Variants in LYPLAL1 observed in about 807,000 individuals in gnomAD.
LYPLAL1 encodes the protein lysophospholipase like 1.
In LYPLAL1, 23 loss-of-function variants were observed where a neutral mutation model predicts 19.7. That is an observed-to-expected ratio of 1.17 (90% CI 0.84 to 1.65). The LOEUF is 1.65. Ranked by LOEUF, LYPLAL1 falls within the 40% of genes most tolerant of loss-of-function variation. The pLI is 0.00. For synonymous variants in LYPLAL1, 119 were observed against 96.3 expected, an observed-to-expected ratio of 1.24 and a Z score of -1.38; for missense variants, 355 against 279.4, an observed-to-expected ratio of 1.27 and a Z score of -1.93.
chr1:219,193,414 A>G (rs1226703922), intron 3 of LYPLAL1, 163 bp downstream of exon 3: 1 of 428,946 alleles, frequency 2.3e-6, no homozygotes, highest in Non-Finnish European at 4.0e-6. Flanking sequence ...TATTAGAATT[A>G]TAAACAGCAG....
At chr1:219,247,457 T>G in the LYPLAL1 span, among the ~76,000 whole-genome samples, 6 of 152,218 alleles carry the variant, frequency 3.9e-5, no homozygotes, top group African/African-American at 1.4e-4. Flanking sequence ...CTGTTTCTCC[T>G]GTTCATTAGG....
At chr1:219,245,023 CCT>C in the LYPLAL1 span, among the ~76,000 whole-genome samples, 3 of 150,184 alleles carry the variant, frequency 2.0e-5, no homozygotes, top group African/African-American at 4.9e-5. Flanking sequence ...TTCCTCCCTC[CCT>C]CTTTTTCTTT....
the LYPLAL1 span, among the ~76,000 whole-genome samples, chr1:219,373,882 C>CA: frequency 0.14 from 16,712 of 119,166 alleles, 1,123 homozygotes; most frequent in Non-Finnish European, 0.17. Context: ...AAAAAAAAAA[C>CA]AAAAAAAAAA....
the LYPLAL1 span, among the ~76,000 whole-genome samples, chr1:219,289,082 T>G: frequency 1.3e-5 from 2 of 150,188 alleles, no homozygotes; most frequent in Non-Finnish European, 3.0e-5. Context: ...TGTTTTGTTT[T>G]TTTTGTTTTT....
the LYPLAL1 span, among the ~76,000 whole-genome samples, chr1:219,259,296 A>G: frequency 6.6e-6 from 1 of 151,934 alleles, no homozygotes; most frequent in Non-Finnish European, 1.5e-5. Context: ...TTATGTAACA[A>G]AGACACTTGG....
At chr1:219,179,450 T>C in intron 2 of LYPLAL1, 1 of 510,266 alleles carries the variant, frequency 2.0e-6, no homozygotes, top group Non-Finnish European at 3.4e-6. Flanking sequence ...TCCCTTTCTG[T>C]AAAGCATTCC....
the LYPLAL1 span, among the ~76,000 whole-genome samples, chr1:219,253,754 T>C: frequency 6.6e-6 from 1 of 152,078 alleles, no homozygotes; most frequent in African/African-American, 2.4e-5. Flanking sequence ...TATATTCTGT[T>C]GTTTTTGGGT....
the LYPLAL1 span, among the ~76,000 whole-genome samples, chr1:219,388,678 C>G: frequency 2.6e-5 from 4 of 152,198 alleles, 1 homozygote; most frequent in South Asian, 8.3e-4. Context: ...TCCTTGAATG[C>G]TCTGGAACAT....
At chr1:219,306,752 A>AGATAGATC in the LYPLAL1 span, among the ~76,000 whole-genome samples, 1 of 149,720 alleles carries the variant, frequency 6.7e-6, no homozygotes, top group South Asian at 2.1e-4. Context: ...ATAGATAGAT[A>AGATAGATC]GATAGATAGA....
the LYPLAL1 span, among the ~76,000 whole-genome samples, chr1:219,419,646 A>C: frequency 4.6e-5 from 7 of 150,998 alleles, no homozygotes; most frequent in African/African-American, 1.5e-4. Context: ...TCATTAGCTT[A>C]CACATTATTA....
chr1:219,368,775 T>C, the LYPLAL1 span, among the ~76,000 whole-genome samples: 1 of 152,256 alleles, frequency 6.6e-6, no homozygotes, highest in African/African-American at 2.4e-5. Flanking sequence ...AGTGATCTGA[T>C]AAATCACTTG....
At chr1:219,208,170 A>T (rs1658720770) in intron 3 of LYPLAL1, among the ~76,000 whole-genome samples, 2 of 152,086 alleles carry the variant, frequency 1.3e-5, no homozygotes, top group Admixed American at 6.5e-5. Context: ...ACTTTTAGGA[A>T]AGCTAGAATT....
intron 3 of LYPLAL1, among the ~76,000 whole-genome samples, chr1:219,195,636 A>G (rs1657537929): frequency 6.6e-6 from 1 of 152,088 alleles, no homozygotes; most frequent in Non-Finnish European, 1.5e-5. Flanking sequence ...GATTTTCTGC[A>G]GTATATTACA....
chr1:219,216,118 C>T (rs1028959404), downstream of LYPLAL1, among the ~76,000 whole-genome samples: 19 of 151,928 alleles, frequency 1.3e-4, no homozygotes, highest in African/African-American at 4.6e-4. Flanking sequence ...CTGTTCATCT[C>T]TAGTTTTTTT....
At chr1:219,356,382 C>G in the LYPLAL1 span, among the ~76,000 whole-genome samples, 47 of 152,064 alleles carry the variant, frequency 3.1e-4, no homozygotes, top group Non-Finnish European at 5.6e-4. Context: ...CACCTGTAGT[C>G]CCAGCTACTT....
the LYPLAL1 span, among the ~76,000 whole-genome samples, chr1:219,345,693 C>T: frequency 6.6e-6 from 1 of 152,122 alleles, no homozygotes; most frequent in African/African-American, 2.4e-5. Context: ...TTTCCCTTCA[C>T]CTTTCTTTCT....
At chr1:219,416,993 A>G in the LYPLAL1 span, among the ~76,000 whole-genome samples, 1 of 152,224 alleles carries the variant, frequency 6.6e-6, no homozygotes. Flanking sequence ...TACTAAAAGC[A>G]TGCACTACCA....
chr1:219,307,023 C>CATATATATATATATATATATATATAT, the LYPLAL1 span, among the ~76,000 whole-genome samples: 1 of 119,462 alleles, frequency 8.4e-6, no homozygotes, highest in African/African-American at 2.9e-5. Context: ...TATACACATA[C>CATATATATATATATATATATATATAT]ATATATATAT....
chr1:219,265,572 C>T, the LYPLAL1 span, among the ~76,000 whole-genome samples: 33 of 152,232 alleles, frequency 2.2e-4, no homozygotes, highest in African/African-American at 7.9e-4. Flanking sequence ...ATTTTAATAA[C>T]ATTAGCATTT....
Sources: allele counts gnomAD v4.1 joint callset (sites outside exome capture counted in the v4.1 genomes callset), GRCh38; gene constraint gnomAD v4.1.1; transcripts MANE v1.5; gene names NCBI Gene and HGNC (gene_info 2026-07-23, HGNC 2026-07-21).